The following LOXHD1 variants were observed in gnomAD, a reference collection of about 807,000 sequenced individuals.
LOXHD1 encodes the protein lipoxygenase homology domain-containing protein 1.
LOXHD1 carries 205 observed loss-of-function variants against 248.2 expected under a neutral mutation model. The ratio of observed to expected loss-of-function variants is 0.83; its 90% CI spans 0.74 to 0.93. The LOEUF is 0.93. Ranked by LOEUF, LOXHD1 falls within the 40% of genes least tolerant of loss-of-function variation. The pLI is 0.00. For synonymous variants in LOXHD1, 1,113 were observed against 1,162.8 expected (o/e 0.96, Z 0.87); for missense variants, 2,930 against 2,971.6 (o/e 0.99, Z 0.33).
intron 2 of LOXHD1, 110 bp downstream of exon 2, chr18:46,649,045 C>G: frequency 1.2e-6 from 1 of 855,170 alleles, no homozygotes; most frequent in South Asian, 1.5e-5. Context: ...ACTTAATAAC[C>G]TGTGGTCAGA....
intron 12 of LOXHD1, among the ~76,000 whole-genome samples, chr18:46,589,583 C>T (rs1207497182): frequency 6.6e-6 from 1 of 152,096 alleles, no homozygotes; most frequent in Non-Finnish European, 1.5e-5. Context: ...CAGGAATAGC[C>T]CTCAAAGACT....
At chr18:46,534,885 C>A (rs1457876835) in intron 26 of LOXHD1, among the ~76,000 whole-genome samples, 1 of 152,232 alleles carries the variant, frequency 6.6e-6, no homozygotes, top group Non-Finnish European at 1.5e-5. Context: ...TCCAGCCACT[C>A]CTTTTCTGTG....
rs573316181 is a variant in LOXHD1, at chr18:46,631,101, C to T, written c.511+8515G>A. 1.8e-4 allele frequency among the ~76,000 whole-genome samples: 27 copies of T among 152,224 alleles called. No homozygotes were observed. The South Asian group carries it at 4.1e-3, about 23-fold the overall frequency. On this transcript the variant is annotated intron_variant, in intron 4 of 40. Transcript: ENST00000642948. The stretch of plus-strand genomic sequence containing the variant: ...ATGCACACAACCTGTTCCTTACCAA[C>T]GTTCATACAAGCCCCTAAGTCCCAG...
Position 46,518,146 on chromosome 18 carries a change from C to T in LOXHD1, c.5382G>A (p.Leu1794=). The change falls in exon 34 of 41, where the codon CTG becomes CTA. Residue 1794 remains leucine, a synonymous_variant. Transcript: ENST00000642948. ...CCAGGTACCTGGCTTTCTTTTTGTC[C>T]AGCTGCATCTCCTCTGTGCTCCCGT... ...GINGSTEEMQ[L]DKKKARFERE... is the part of the protein sequence containing the mutation. 1 of 1,551,630 alleles carries T rather than the reference C, an allele frequency of 6.4e-7. No individual in the cohort carries two copies. Among genetic ancestry groups the T allele is most frequent in the Non-Finnish European group, 8.7e-7 (1 of 1,146,974 alleles).
intron 6 of LOXHD1, among the ~76,000 whole-genome samples, chr18:46,606,795 A>T (rs997042481): frequency 2.0e-5 from 3 of 152,206 alleles, no homozygotes; most frequent in African/African-American, 7.2e-5. Flanking sequence ...ATTTTGAGGA[A>T]AAAATAGAAA....
In LOXHD1 at chr18:46,657,063, A is replaced by T; in HGVS notation, c.-30T>A. On this transcript the variant is annotated 5_prime_UTR_variant, in exon 1 of 41. Transcript: ENST00000642948. ...TCGGCTGCCTTCTCCCAGCGCTCGC[A>T]GGCTCACTGTGCCGCCTCCTCACAC... 1 of 1,551,374 alleles carries T rather than the reference A, an allele frequency of 6.4e-7. No individual in the cohort carries two copies.
In LOXHD1 at chr18:46,591,920, T is replaced by G. The variant is rs1451285853; in HGVS notation, c.1654+13A>C. 1 of 1,551,684 alleles carries G rather than the reference T, an allele frequency of 6.4e-7. No homozygotes were observed. The highest frequency in any genetic ancestry group is 2.0e-5 in the Admixed American group (1 of 51,010). On this transcript the variant is annotated intron_variant, in intron 12 of 40. Transcript: ENST00000642948. ...CCACTGCCTCCCAGGATGGAGAGCC[T>G]GTCAGTACTTACTGCCCATGATCCT...
At chr18:46,532,831 G>A (rs1206578047) in intron 28 of LOXHD1, among the ~76,000 whole-genome samples, 1 of 152,236 alleles carries the variant, frequency 6.6e-6, no homozygotes, top group Non-Finnish European at 1.5e-5. Context: ...TAAATGAATA[G>A]TAGGGAGAAA....
chr18:46,547,839 C>T (rs2036915472), intron 21 of LOXHD1, among the ~76,000 whole-genome samples: 1 of 152,184 alleles, frequency 6.6e-6, no homozygotes, highest in Non-Finnish European at 1.5e-5. Flanking sequence ...ATAAACAATG[C>T]ATAACGTTTT....
At chr18:46,638,196 A>G (rs897385165) in intron 4 of LOXHD1, among the ~76,000 whole-genome samples, 3 of 152,234 alleles carry the variant, frequency 2.0e-5, no homozygotes, top group African/African-American at 7.2e-5. Flanking sequence ...AGAAATGAAG[A>G]CATAAAAATG....
chr18:46,581,557 T>C lies in LOXHD1; in HGVS notation c.1655-1773A>G, dbSNP rs576825537. Among the ~76,000 whole-genome samples the C allele has an allele frequency of 3.9e-5, 6 of 152,302 alleles. No homozygotes were observed. The East Asian group carries it at 1.2e-3, about 29-fold the overall frequency. ...TATGACTTTGGTCATCATAGGTATATGGAGTCCATTTAAAGCCATGGGATC... is the reference window on the plus strand; with the variant it reads ...TATGACTTTGGTCATCATAGGTATACGGAGTCCATTTAAAGCCATGGGATC... On this transcript the variant is annotated intron_variant, in intron 12 of 40. Transcript: ENST00000642948.
Position 46,519,698 on chromosome 18 carries a change from A to G in LOXHD1, c.5271+1399T>C, listed in dbSNP as rs371970595. Among the ~76,000 whole-genome samples, 149 of 152,300 alleles carry G rather than the reference A, an allele frequency of 9.8e-4. 1 individual carries two copies. Among genetic ancestry groups the G allele is most frequent in the African/African-American group, 3.5e-3 (145 of 41,542 alleles). ...AATGAGTGCTTCAGCTGCCCCATGG[A>G]GACTGGCCCCTGAGAGCTGGTCCGT... is the stretch of plus-strand genomic sequence containing the variant. On this transcript the variant is annotated intron_variant, in intron 33 of 40. Coordinates refer to ENST00000642948, the MANE Select transcript of LOXHD1 (RefSeq NM_001384474.1).
chr18:46,513,713 G>A (rs9807265), intron 34 of LOXHD1, among the ~76,000 whole-genome samples: 92,305 of 152,126 alleles, frequency 0.61, 28,858 homozygotes, highest in Middle Eastern at 0.7. Flanking sequence ...CTGATTTCAG[G>A]TTTCTGGCCT....
chr18:46,612,701 C>T (rs1387842625), intron 5 of LOXHD1, among the ~76,000 whole-genome samples: 1 of 152,058 alleles, frequency 6.6e-6, no homozygotes, highest in Non-Finnish European at 1.5e-5. Flanking sequence ...TAAAAAGATA[C>T]TCCTTTAGAG....
rs114557260 is a variant in LOXHD1, at chr18:46,524,518, G to C, written c.4824C>G (p.Val1608=). The change falls in exon 31 of 41, where the codon GTC becomes GTG. Residue 1608 remains valine, a synonymous_variant. Coordinates refer to ENST00000642948, the MANE Select transcript of LOXHD1 (RefSeq NM_001384474.1). ...EIALSSKMAD[V]DISTVTGPMA... ...TGGGCCCGGTCACTGTGCTGATGTC[G>C]ACATCGGCCATCTTGGAGCTCAGGG... 2.0e-4 allele frequency: 318 copies of C among 1,551,680 alleles called. 1 individual carries two copies. In the African/African-American group the frequency reaches 3.9e-3, roughly 19 times the overall value.
At chr18:46,555,130 T>C in intron 21 of LOXHD1, 1 of 471,178 alleles carries the variant, frequency 2.1e-6, no homozygotes, top group Non-Finnish European at 4.4e-6. Flanking sequence ...CTAACCCTGA[T>C]GGAGCTGCAA....
At chr18:46,536,937 G>A (rs1052746174) in intron 26 of LOXHD1, among the ~76,000 whole-genome samples, 2 of 152,140 alleles carry the variant, frequency 1.3e-5, no homozygotes, top group African/African-American at 2.4e-5. Context: ...CTCCTTCAGG[G>A]TCTCCTGCGC....
Position 46,566,390 on chromosome 18 carries a change from G to C in LOXHD1, c.2304C>G (p.Gly768=). Residue 768 remains glycine (G), a synonymous_variant, in exon 17 of 41, where the codon GGC becomes GGG. Coordinates refer to ENST00000642948, the MANE Select transcript of LOXHD1 (RefSeq NM_001384474.1). ...STGMHASWFL[G]SVQIRVPRQG... ...GACGGGGCACACGGATCTGAACGCT[G>C]CCCAGGAACCAGCTGGCATGCATGC... 6.4e-7 allele frequency: 1 copy of C among 1,551,534 alleles called. No individual in the cohort carries two copies. The highest frequency in any genetic ancestry group is 8.7e-7 in the Non-Finnish European group (1 of 1,147,018).
intron 37 of LOXHD1, among the ~76,000 whole-genome samples, chr18:46,504,356 T>C (rs764650170): frequency 3.3e-5 from 5 of 152,198 alleles, no homozygotes; most frequent in African/African-American, 7.2e-5. Flanking sequence ...TCTGCCTACC[T>C]CAGCCTCCCA....
Sources: gnomAD v4.1 joint callset for allele counts (sites outside exome capture counted in the v4.1 genomes callset) on GRCh38, gnomAD v4.1.1 for gene constraint, MANE v1.5 for transcripts, NCBI Gene and HGNC (gene_info 2026-07-23, HGNC 2026-07-21) for gene names.